The following GABRB1 variants were observed in gnomAD, a reference collection of about 807,000 sequenced individuals.
GABRB1 encodes the protein gamma-aminobutyric acid receptor subunit beta-1.
A neutral mutation model predicts 51.6 loss-of-function variants in GABRB1; 17 were observed. That is an observed-to-expected ratio of 0.33 (90% CI 0.23 to 0.49). The LOEUF is 0.49. GABRB1 is among the 20% of genes least tolerant of loss of function. The probability of loss-of-function intolerance (pLI) is 0.99; values close to 1 mark genes in which losing one functional copy is unlikely to be tolerated. For missense variants in GABRB1, 410 were observed against 600.6 expected, an observed-to-expected ratio of 0.68 and a Z score of 3.32; for synonymous variants, 247 against 218.9, an observed-to-expected ratio of 1.13 and a Z score of -1.14.
intron 3 of GABRB1, among the ~76,000 whole-genome samples, chr4:47,096,612 C>A (rs2109597787): frequency 6.6e-6 from 1 of 152,156 alleles, no homozygotes; most frequent in East Asian, 1.9e-4. Context: ...GGGAGAGTAT[C>A]CTGAATTATC....
chr4:47,253,066 G>A lies in GABRB1; in HGVS notation c.462-67061G>A, dbSNP rs560634537. On this transcript the variant is annotated intron_variant, in intron 4 of 8. Transcript: ENST00000295454. Reference sequence around the variant, plus strand: ...TTAACCCCATTTTACAAAGAGCAAAGTGAGGTACAAAGAGGCTAAATAGCC... The same window carrying A: ...TTAACCCCATTTTACAAAGAGCAAAATGAGGTACAAAGAGGCTAAATAGCC... Among the ~76,000 whole-genome samples, 3 of 152,188 alleles carry A rather than the reference G, an allele frequency of 2.0e-5. No homozygotes were observed. In the South Asian group the frequency reaches 6.2e-4, roughly 32 times the overall value.
intron 5 of GABRB1, among the ~76,000 whole-genome samples, chr4:47,344,506 A>C: frequency 6.6e-6 from 1 of 152,226 alleles, no homozygotes; most frequent in East Asian, 1.9e-4. Flanking sequence ...ATACCAAAAC[A>C]TATAGAAAGT....
intron 3 of GABRB1, among the ~76,000 whole-genome samples, chr4:47,064,031 A>G (rs1726952166): frequency 6.6e-6 from 1 of 152,192 alleles, no homozygotes; most frequent in South Asian, 2.1e-4. Context: ...ACACATACCC[A>G]TGTATCCCAG....
intron 5 of GABRB1, among the ~76,000 whole-genome samples, chr4:47,344,546 T>C (rs944028949): frequency 1.3e-4 from 20 of 152,304 alleles, no homozygotes; most frequent in South Asian, 6.2e-4. Context: ...AAATCAAACT[T>C]ACTGAATCTT....
At position 47,063,956 on chromosome 4, in the gene GABRB1, G is replaced by C. The variant is rs908329595; in HGVS notation, c.240+31472G>C. Among the ~76,000 whole-genome samples, 20 of 152,190 alleles carry C rather than the reference G, an allele frequency of 1.3e-4. 1 individual carries two copies. Among genetic ancestry groups the C allele is most frequent in the Admixed American group, 1.1e-3 (17 of 15,278 alleles). On this transcript the variant is annotated intron_variant, in intron 3 of 8. Transcript: ENST00000295454. ...TGCTGGGCTTAATACCTAGGTACTG[G>C]GTTGTGAGGTGCAGCAAACCACCAT...
At chr4:47,240,983 A>C (rs1486492523) in intron 4 of GABRB1, among the ~76,000 whole-genome samples, 1 of 152,208 alleles carries the variant, frequency 6.6e-6, no homozygotes, top group Admixed American at 6.5e-5. Flanking sequence ...TGACCAGAAA[A>C]AGCCACAGAA....
intron 4 of GABRB1, among the ~76,000 whole-genome samples, chr4:47,300,205 C>T (rs1243824968): frequency 6.6e-6 from 1 of 151,822 alleles, no homozygotes; most frequent in African/African-American, 2.4e-5. Context: ...CTAACCTGCA[C>T]ATTGTGCACA....
At position 47,206,713 on chromosome 4, in the gene GABRB1, T is replaced by A. The variant is rs544907127; in HGVS notation, c.461+45244T>A. Among the ~76,000 whole-genome samples the A allele has an allele frequency of 3.9e-5, 6 of 151,972 alleles. No individual in the cohort carries two copies. The South Asian group carries it at 1.2e-3, about 31-fold the overall frequency. The stretch of plus-strand genomic sequence containing the variant: ...AACTTAGGAGAAGTCAAGGATATGA[T>A]CCACACAGTCTAACTCCAAATCAAA... On this transcript the variant is annotated intron_variant, in intron 4 of 8. Coordinates refer to ENST00000295454, the MANE Select transcript of GABRB1 (RefSeq NM_000812.4).
At chr4:47,097,817 A>G (rs1714522666) in intron 3 of GABRB1, among the ~76,000 whole-genome samples, 2 of 152,198 alleles carry the variant, frequency 1.3e-5, no homozygotes, top group African/African-American at 4.8e-5. Flanking sequence ...TAAAAACAGC[A>G]TATAGCTCCC....
At chr4:47,294,101 T>C (rs1392862689) in intron 4 of GABRB1, among the ~76,000 whole-genome samples, 1 of 152,166 alleles carries the variant, frequency 6.6e-6, no homozygotes, top group Non-Finnish European at 1.5e-5. Flanking sequence ...CTACCTTACT[T>C]AGAAATTATC....
At chr4:47,152,155 T>G (rs777649902) in intron 3 of GABRB1, among the ~76,000 whole-genome samples, 8 of 152,016 alleles carry the variant, frequency 5.3e-5, no homozygotes, top group African/African-American at 1.7e-4. Context: ...GATTATTAAT[T>G]ATTTTAGTTA....
At chr4:47,264,697 T>C (rs983372155) in intron 4 of GABRB1, among the ~76,000 whole-genome samples, 1 of 152,238 alleles carries the variant, frequency 6.6e-6, no homozygotes, top group South Asian at 2.1e-4. Flanking sequence ...AAGTGTAGAA[T>C]TACATGAATT....
At chr4:47,130,304 A>T (rs549880139) in intron 3 of GABRB1, among the ~76,000 whole-genome samples, 1 of 149,784 alleles carries the variant, frequency 6.7e-6, no homozygotes, top group African/African-American at 2.5e-5. Context: ...ACATTCCCCC[A>T]TAATGTCTGG....
intron 3 of GABRB1, among the ~76,000 whole-genome samples, chr4:47,110,691 A>T (rs978255359): frequency 1.3e-4 from 20 of 152,188 alleles, no homozygotes; most frequent in African/African-American, 4.6e-4. Context: ...TAGTATATTG[A>T]TGAAAGCCAA....
At chr4:47,240,612 C>A (rs1398805225) in intron 4 of GABRB1, among the ~76,000 whole-genome samples, 1 of 152,178 alleles carries the variant, frequency 6.6e-6, no homozygotes, top group Non-Finnish European at 1.5e-5. Context: ...GTGAAAGGAG[C>A]TGAATCCAGA....
intron 3 of GABRB1, among the ~76,000 whole-genome samples, chr4:47,035,633 A>G (rs563831287): frequency 6.6e-6 from 1 of 152,036 alleles, no homozygotes; most frequent in South Asian, 2.1e-4. Flanking sequence ...TGTTTCTGCC[A>G]AGCCACAGAC....
At chr4:47,268,839 G>A (rs989045351) in intron 4 of GABRB1, among the ~76,000 whole-genome samples, 2 of 152,204 alleles carry the variant, frequency 1.3e-5, no homozygotes, top group Admixed American at 6.5e-5. Flanking sequence ...TGACTAAAGG[G>A]AGGATACACT....
At chr4:47,070,330 C>T (rs1727277251) in intron 3 of GABRB1, among the ~76,000 whole-genome samples, 1 of 151,296 alleles carries the variant, frequency 6.6e-6, no homozygotes, top group African/African-American at 2.4e-5. Flanking sequence ...GCCACCGTGC[C>T]CAGCCTTCTT....
At chr4:47,301,809 G>A (rs1014662018) in intron 4 of GABRB1, among the ~76,000 whole-genome samples, 1 of 152,082 alleles carries the variant, frequency 6.6e-6, no homozygotes, top group Non-Finnish European at 1.5e-5. Flanking sequence ...AAATTGGCCA[G>A]TATCCACAGG....
Sources: allele counts gnomAD v4.1 joint callset (sites outside exome capture counted in the v4.1 genomes callset), GRCh38; gene constraint gnomAD v4.1.1; transcripts MANE v1.5; gene names NCBI Gene and HGNC (gene_info 2026-07-23, HGNC 2026-07-21).